PPL: variants seen among roughly 807,000 people sequenced by gnomAD.
PPL encodes the protein periplakin, also known as 190 kDa paraneoplastic pemphigus antigen.
PPL carries 198 observed loss-of-function variants against 194.4 expected under a neutral mutation model. The ratio of observed to expected loss-of-function variants is 1.02; its 90% CI spans 0.91 to 1.15. The LOEUF (loss-of-function observed/expected upper bound fraction) is 1.15. Ranked by LOEUF, PPL falls within the 50% of genes most tolerant of loss-of-function variation. The pLI is 0.00. For missense variants in PPL, 2,885 were observed against 2,294.8 expected (o/e 1.26, Z -5.25); for synonymous variants, 1,220 against 972.4 (o/e 1.25, Z -4.74).
At chr16:4,895,835 G>T in intron 9 of PPL, 119 bp from the exon 10 acceptor site, 3 of 1,395,592 alleles carry the variant, frequency 2.1e-6, no homozygotes, top group Non-Finnish European at 3.0e-6. Flanking sequence ...CTGGAGTCCA[G>T]CATGGGACCC....
At chr16:4,908,422 TTCTC>T (rs58737308) in intron 2 of PPL, among the ~76,000 whole-genome samples, 76,625 of 148,436 alleles carry the variant, frequency 0.52, 19,781 homozygotes, top group East Asian at 0.62. Flanking sequence ...TCTTCCTTCT[TTCTC>T]TCTCTCTCTC....
intron 8 of PPL, 34 bp downstream of exon 8, chr16:4,898,979 C>G (rs771592945): frequency 3.1e-6 from 5 of 1,593,820 alleles, no homozygotes; most frequent in Non-Finnish European, 4.3e-6. Flanking sequence ...AGAAGCCACC[C>G]TGGGGGAGGT....
At chr16:4,888,367 T>G in intron 19 of PPL, 149 bp from the exon 20 acceptor site, 1 of 602,166 alleles carries the variant, frequency 1.7e-6, no homozygotes. Flanking sequence ...AGCTGCACCC[T>G]GCAGTGATTT....
intron 1 of PPL, among the ~76,000 whole-genome samples, chr16:4,917,031 C>G (rs556734472): frequency 6.6e-6 from 1 of 152,178 alleles, no homozygotes; most frequent in East Asian, 1.9e-4. Flanking sequence ...ATTCGGGAAG[C>G]TGAGACAAGA....
Position 4,885,449 on chromosome 16 carries a change from T to C in PPL, c.3206A>G (p.Glu1069Gly), listed in dbSNP as rs530581250. ...GTGGTCCTCCTGCAGCTGCTGGTAC[T>C]CTGCCTCCAGCTGGGGGTCATTCTG... Reference protein sequence around the residue: ...KLQNDPQLEAEYQQLQEDHQR... With the variant: ...KLQNDPQLEAGYQQLQEDHQR... The change falls in exon 22 of 22, where the codon GAG becomes GGG. Residue 1069 changes from glutamate (E) to glycine (G), a missense_variant. By Grantham distance (98) the Glu-to-Gly change is moderately conservative (BLOSUM62 -2). Coordinates refer to ENST00000345988, the MANE Select transcript of PPL (RefSeq NM_002705.5). The surrounding 1 kb of genome is among the most constrained non-coding windows in gnomAD (Gnocchi z 6.3). 2.5e-5 allele frequency: 41 copies of C among 1,612,598 alleles called. No homozygotes were observed. The South Asian group carries it at 3.4e-4, about 13-fold the overall frequency.
chr16:4,888,381 G>A (rs1285226607), intron 19 of PPL, among the ~76,000 whole-genome samples, 163 bp from the exon 20 acceptor site: 1 of 152,224 alleles, frequency 6.6e-6, no homozygotes, highest in African/African-American at 2.4e-5. Flanking sequence ...GTGATTTCCA[G>A]GAGGTTTTGA....
intron 2 of PPL, among the ~76,000 whole-genome samples, chr16:4,908,701 G>A (rs1213065753): frequency 1.4e-5 from 2 of 146,350 alleles, no homozygotes; most frequent in African/African-American, 2.5e-5. Context: ...CACCACACCT[G>A]GCAAATTTTT....
At chr16:4,934,630 G>C (rs1278023031) in intron 1 of PPL, among the ~76,000 whole-genome samples, 1 of 152,028 alleles carries the variant, frequency 6.6e-6, no homozygotes, top group Non-Finnish European at 1.5e-5. Flanking sequence ...CAGCAATTTT[G>C]TCCTCCCCCA....
intron 9 of PPL, among the ~76,000 whole-genome samples, chr16:4,896,703 G>A (rs1420745706): frequency 1.3e-5 from 2 of 149,468 alleles, no homozygotes; most frequent in East Asian, 2.0e-4. Context: ...GCAATGGCGC[G>A]ATCTCAGCTC....
chr16:4,885,558 G>A lies in PPL; in HGVS notation c.3097C>T (p.Leu1033Phe). 1.9e-6 allele frequency: 3 copies of A among 1,610,668 alleles called. No homozygotes were observed. Among genetic ancestry groups the A allele is most frequent in the South Asian group, 1.1e-5 (1 of 91,082 alleles). Residue 1033 changes from leucine (L) to phenylalanine (F), a missense_variant, in exon 22 of 22, where the codon CTC (leucine) becomes TTC (phenylalanine). Leu to Phe is a conservative substitution (Grantham distance 22, BLOSUM62 0). Transcript: ENST00000345988. The surrounding 1 kb of genome is among the most constrained non-coding windows in gnomAD (Gnocchi z 6.3). The stretch of plus-strand genomic sequence containing the variant: ...AGGGCGGCCACACGCTGCTGCAGGA[G>A]GAGCACCTCTGCCTCCCGGGCGCCC... ...QKGAREAEVL[L>F]LQQRVAALAE...
Position 4,894,110 on chromosome 16 carries a change from A to C in PPL, c.1394+357T>G, listed in dbSNP as rs558861314. Among the ~76,000 whole-genome samples the C allele has an allele frequency of 3.3e-5, 5 of 152,242 alleles. No individual in the cohort carries two copies. The East Asian group carries it at 9.7e-4, about 29-fold the overall frequency. ...TAAAAAGCGGTGCGTGCAGTGGAAG[A>C]AGGTGCCTGGGAGCAAAGAGGAGGC... On this transcript the variant is annotated intron_variant, in intron 12 of 21. Transcript: ENST00000345988.
At position 4,895,315 on chromosome 16, in the gene PPL, C is replaced by G. The variant is rs556005593; in HGVS notation, c.1188G>C (p.Glu396Asp). The G allele has an allele frequency of 1.2e-6, 2 of 1,613,278 alleles. No homozygotes were observed. The change falls in exon 11 of 22, where the codon GAG becomes GAC. Residue 396 changes from glutamate to aspartate, a missense_variant. Glu to Asp is a conservative substitution (Grantham distance 45). Coordinates refer to ENST00000345988, the MANE Select transcript of PPL (RefSeq NM_002705.5). ...QQVVPLKYRR[E>D]TPLKPIPVEA... Reference sequence around the variant, plus strand: ...CCACGGGGATGGGCTTGAGCGGAGTCTCCCGGCGGTACTTGAGGGGCACCA... The same window carrying G: ...CCACGGGGATGGGCTTGAGCGGAGTGTCCCGGCGGTACTTGAGGGGCACCA...
intron 1 of PPL, among the ~76,000 whole-genome samples, chr16:4,915,827 T>C (rs972000864): frequency 6.6e-6 from 1 of 152,152 alleles, no homozygotes; most frequent in Non-Finnish European, 1.5e-5. Flanking sequence ...TTTATGGGTG[T>C]GGAAACTGAG....
chr16:4,936,382 G>T (rs954340414), intron 1 of PPL, among the ~76,000 whole-genome samples: 1 of 152,122 alleles, frequency 6.6e-6, no homozygotes, highest in Non-Finnish European at 1.5e-5. Flanking sequence ...CGGCTCTGGC[G>T]CGCAGGGTGG....
chr16:4,886,306 C>T (rs2088218905), intron 21 of PPL, among the ~76,000 whole-genome samples: 1 of 152,218 alleles, frequency 6.6e-6, no homozygotes, highest in African/African-American at 2.4e-5. Context: ...TGGTCCCCGT[C>T]CTAGGGCGTG....
rs941144434 is a variant in PPL at position 4,884,977 on chromosome 16, C to T, written c.3678G>A (p.Val1226=). 2.5e-6 allele frequency: 4 copies of T among 1,614,122 alleles called. No individual in the cohort carries two copies. The East Asian group carries it at 8.9e-5, about 36-fold the overall frequency. The part of the protein sequence containing the change: ...LEALRRRGPQ[V]EVKEVTKEVI... ...CTTCCTTAGTCACCTCTTTGACTTCCACCTGGGGGCCTCGCCTCCTGAGGG... is the reference window on the plus strand; with the variant it reads ...CTTCCTTAGTCACCTCTTTGACTTCTACCTGGGGGCCTCGCCTCCTGAGGG... Residue 1226 remains valine (V), a synonymous_variant, in exon 22 of 22, where the codon GTG becomes GTA. Coordinates refer to ENST00000345988, the MANE Select transcript of PPL (RefSeq NM_002705.5). This position sits in a 1 kb window ranked among gnomAD's most constrained non-coding sequence, Gnocchi z 5.7.
intron 1 of PPL, among the ~76,000 whole-genome samples, chr16:4,916,661 T>C (rs1233078681): frequency 8.1e-6 from 1 of 122,724 alleles, no homozygotes; most frequent in East Asian, 2.4e-4. Flanking sequence ...CCTGGCACCG[T>C]GCCCAGCTAA....
In PPL at chr16:4,883,372, CAAGAGCTGT is replaced by C; in HGVS notation, c.*3_*11del. The C allele has an allele frequency of 6.2e-7, 1 of 1,613,550 alleles. No individual in the cohort carries two copies. The highest frequency in any genetic ancestry group is 8.5e-7 in the Non-Finnish European group (1 of 1,179,972). ...CAGCGTCTGCCGTTACGAAGAGTTG[CAAGAGCTGT>C]GCCTACTTCTGCCCAGATACCAAGA... is the stretch of plus-strand genomic sequence containing the variant. On this transcript the variant is annotated 3_prime_UTR_variant, in exon 22 of 22. Coordinates refer to ENST00000345988, the MANE Select transcript of PPL (RefSeq NM_002705.5). The surrounding 1 kb of genome is among the most constrained non-coding windows in gnomAD (Gnocchi z 4.8).
chr16:4,916,313 A>G (rs1018681217), intron 1 of PPL, among the ~76,000 whole-genome samples: 2 of 151,662 alleles, frequency 1.3e-5, no homozygotes, highest in African/African-American at 4.9e-5. Context: ...CCAGACTCAA[A>G]TGATTCTCCT....
Sources: allele counts gnomAD v4.1 joint callset (sites outside exome capture counted in the v4.1 genomes callset), GRCh38; gene constraint gnomAD v4.1.1; non-coding constraint Gnocchi (gnomAD v3.1); transcripts MANE v1.5; gene names NCBI Gene and HGNC (gene_info 2026-07-23, HGNC 2026-07-21).